Variants in TMEM132D observed in about 807,000 individuals in gnomAD.
The protein encoded by TMEM132D is transmembrane protein 132D.
Under a neutral mutation model 62.3 loss-of-function variants are expected in TMEM132D, and 21 were observed. That is an observed-to-expected ratio of 0.34 (90% CI 0.24 to 0.49). The LOEUF (loss-of-function observed/expected upper bound fraction) is 0.49, where lower values mean the gene tolerates loss of function less well. TMEM132D is among the 20% of genes least tolerant of loss of function. TMEM132D has a pLI of 0.99. For missense variants in TMEM132D, 1,346 were observed against 1,402.8 expected, an observed-to-expected ratio of 0.96 and a Z score of 0.65; for synonymous variants, 621 against 575.6, an observed-to-expected ratio of 1.08 and a Z score of -1.13.
intron 1 of TMEM132D, among the ~76,000 whole-genome samples, chr12:129,753,790 A>T (rs1227356123): frequency 6.6e-6 from 1 of 152,232 alleles, no homozygotes; most frequent in African/African-American, 2.4e-5. Flanking sequence ...ATCTCTATGC[A>T]TGCAGGGCAC....
chr12:129,661,717 C>T, intron 2 of TMEM132D, among the ~76,000 whole-genome samples: 1 of 152,184 alleles, frequency 6.6e-6, no homozygotes, highest in Non-Finnish European at 1.5e-5. Context: ...GCACTGTCAT[C>T]AATGGCAAGG....
chr12:129,874,400 ACT>A (rs888049917), intron 1 of TMEM132D, among the ~76,000 whole-genome samples: 2 of 151,928 alleles, frequency 1.3e-5, no homozygotes, highest in South Asian at 2.1e-4. Context: ...ACAGAGCGAG[ACT>A]CTGTCTCAAA....
chr12:129,591,005 T>C (rs1309639063), intron 2 of TMEM132D, among the ~76,000 whole-genome samples: 1 of 152,112 alleles, frequency 6.6e-6, no homozygotes, highest in East Asian at 1.9e-4. Context: ...ATGGATGTGT[T>C]ATGGTGAGAG....
At chr12:129,843,141 A>C (rs574172652) in intron 1 of TMEM132D, among the ~76,000 whole-genome samples, 1 of 152,308 alleles carries the variant, frequency 6.6e-6, no homozygotes, top group African/African-American at 2.4e-5. Context: ...TTTAACTCTA[A>C]CAGTATTTTT....
At chr12:129,465,532 G>A (rs1873859323) in intron 3 of TMEM132D, among the ~76,000 whole-genome samples, 1 of 152,164 alleles carries the variant, frequency 6.6e-6, no homozygotes, top group South Asian at 2.1e-4. Flanking sequence ...TGACATGATT[G>A]TATATCAGAA....
At chr12:129,846,517 C>T (rs2137348856) in intron 1 of TMEM132D, among the ~76,000 whole-genome samples, 1 of 152,200 alleles carries the variant, frequency 6.6e-6, no homozygotes, top group East Asian at 1.9e-4. Context: ...CTTATTGTTG[C>T]TTTCTTTTAC....
chr12:129,105,946 T>C (rs2135640184), intron 5 of TMEM132D, among the ~76,000 whole-genome samples: 2 of 151,542 alleles, frequency 1.3e-5, no homozygotes, highest in East Asian at 3.9e-4. Context: ...TAAATCATGC[T>C]GCTATAAAGA....
intron 1 of TMEM132D, among the ~76,000 whole-genome samples, chr12:129,902,693 C>T (rs1875399625): frequency 6.6e-6 from 1 of 152,222 alleles, no homozygotes. Flanking sequence ...GACCCTGTGC[C>T]CAAACCTCAC....
Position 129,589,803 on chromosome 12 carries a change from A to C in TMEM132D, c.969-58598T>G, listed in dbSNP as rs79283155. Among the ~76,000 whole-genome samples the C allele has an allele frequency of 2.3e-3, 351 of 152,324 alleles. 1 individual carries two copies. Among genetic ancestry groups the C allele is most frequent in the African/African-American group, 7.4e-3 (306 of 41,568 alleles). ...TAAAAACATTTATTCTGTTCTTACC[A>C]GTAGGATTAATTCCATCAAGTAGTG... is the stretch of plus-strand genomic sequence containing the variant. On this transcript the variant is annotated intron_variant, in intron 2 of 8. Coordinates refer to ENST00000422113, the MANE Select transcript of TMEM132D (RefSeq NM_133448.3).
chr12:129,267,956 G>A (rs868838729), intron 4 of TMEM132D, among the ~76,000 whole-genome samples: 1 of 152,116 alleles, frequency 6.6e-6, no homozygotes, highest in Non-Finnish European at 1.5e-5. Context: ...TTTAATAAAT[G>A]GTGCTGGGAA....
chr12:129,585,745 T>C (rs542091009), intron 2 of TMEM132D, among the ~76,000 whole-genome samples: 56 of 152,260 alleles, frequency 3.7e-4, no homozygotes, highest in African/African-American at 1.2e-3. Context: ...TATAAAAAGA[T>C]TGATATTTCC....
rs1460526478 is a variant in TMEM132D at position 129,466,312 on chromosome 12, T to G, written c.1115+64747A>C. ...TTTTTTTTTTTTTTTTTTTTTTTTT[T>G]TTTTTTTTTTTTAGAGATGTGGTCT... On this transcript the variant is annotated intron_variant, in intron 3 of 8. Coordinates refer to ENST00000422113, the MANE Select transcript of TMEM132D (RefSeq NM_133448.3). 1.4e-4 allele frequency among the ~76,000 whole-genome samples: 8 copies of G among 55,890 alleles called. 2 individuals carry two copies. Among genetic ancestry groups the G allele is most frequent in the African/African-American group, 4.5e-4 (8 of 17,628 alleles). The allele number at this position is 55,890 out of a possible 152,430, so 36.7% of individuals were successfully genotyped here.
chr12:129,847,944 G>T (rs1230862058), intron 1 of TMEM132D, among the ~76,000 whole-genome samples: 1 of 152,054 alleles, frequency 6.6e-6, no homozygotes, highest in African/African-American at 2.4e-5. Flanking sequence ...TAGTGTTAGG[G>T]ACTCCAAGCA....
At chr12:129,284,750 G>GTTAATAC (rs1439420561) in intron 4 of TMEM132D, among the ~76,000 whole-genome samples, 1 of 152,206 alleles carries the variant, frequency 6.6e-6, no homozygotes, top group Non-Finnish European at 1.5e-5. Flanking sequence ...GGAATTAAGT[G>GTTAATAC]TTAATACATG....
rs141386819 is a variant in TMEM132D at position 129,180,612 on chromosome 12, T to A, written c.1443+28908A>T. On this transcript the variant is annotated intron_variant, in intron 5 of 8. Coordinates refer to ENST00000422113, the MANE Select transcript of TMEM132D (RefSeq NM_133448.3). The stretch of plus-strand genomic sequence containing the variant: ...AAGATTTGTGAAGGAGATTATGGGG[T>A]TGAGTAAGGAGGAGAGTTAAAGAAG... Among the ~76,000 whole-genome samples, 469 of 152,006 alleles carry A rather than the reference T, an allele frequency of 3.1e-3. 2 individuals are homozygous for A. The highest frequency in any genetic ancestry group is 0.011 in the African/African-American group (450 of 41,446).
At chr12:129,191,152 A>G (rs1431842127) in intron 5 of TMEM132D, among the ~76,000 whole-genome samples, 1 of 152,150 alleles carries the variant, frequency 6.6e-6, no homozygotes, top group African/African-American at 2.4e-5. Flanking sequence ...TGACCATCAC[A>G]TGACTTGCTC....
chr12:129,073,860 C>G lies in TMEM132D; in HGVS notation c.*15G>C, dbSNP rs770189816. The G allele has an allele frequency of 5.3e-6, 8 of 1,519,114 alleles. No homozygotes were observed. In the African/African-American group the frequency reaches 5.6e-5, roughly 11 times the overall value. 94.1% of individuals were successfully genotyped at this position (1,519,114 alleles called of 1,614,324 possible). On this transcript the variant is annotated 3_prime_UTR_variant, in exon 9 of 9. Transcript: ENST00000422113. ...CTGAAAGGTGAGTGAGAACCAATGT[C>G]TGTGTGTGTCTGGCTTACACATTTT... is the stretch of plus-strand genomic sequence containing the variant.
intron 4 of TMEM132D, among the ~76,000 whole-genome samples, chr12:129,306,060 G>T (rs966062808): frequency 1.3e-5 from 2 of 152,174 alleles, no homozygotes; most frequent in African/African-American, 4.8e-5. Flanking sequence ...TTAACTCAGA[G>T]AAGTGGTTCT....
intron 3 of TMEM132D, among the ~76,000 whole-genome samples, chr12:129,354,417 G>A (rs1040539789): frequency 1.3e-5 from 2 of 151,900 alleles, no homozygotes; most frequent in Non-Finnish European, 2.9e-5. Context: ...TCCACCTCCT[G>A]GGTTCAAGCA....
Sources: allele counts gnomAD v4.1 joint callset (sites outside exome capture counted in the v4.1 genomes callset), GRCh38; gene constraint gnomAD v4.1.1; transcripts MANE v1.5; gene names NCBI Gene and HGNC (gene_info 2026-07-23, HGNC 2026-07-21).